Variants in ZNF727 observed in about 807,000 individuals in gnomAD.
ZNF727 encodes putative zinc finger protein 727.
ZNF727 carries 11 observed loss-of-function variants against 11.5 expected under a neutral mutation model. The ratio of observed to expected loss-of-function variants is 0.95; its 90% CI spans 0.60 to 1.58. The LOEUF (loss-of-function observed/expected upper bound fraction) is 1.58. Ranked by LOEUF, ZNF727 falls within the 40% of genes most tolerant of loss-of-function variation. The pLI, the probability that ZNF727 is intolerant of heterozygous loss-of-function variation, is 0.00. For synonymous variants in ZNF727, 171 were observed against 196.1 expected, an observed-to-expected ratio of 0.87 and a Z score of 1.07; for missense variants, 533 against 581.7, an observed-to-expected ratio of 0.92 and a Z score of 0.86.
At chr7:64,052,952 C>A (rs1465600291) in intron 1 of ZNF727, among the ~76,000 whole-genome samples, 2 of 152,190 alleles carry the variant, frequency 1.3e-5, no homozygotes, top group African/African-American at 4.8e-5. Context: ...GCCTTTACCC[C>A]CATTGTAACT....
chr7:64,052,723 G>T (rs1006357981), intron 1 of ZNF727, among the ~76,000 whole-genome samples: 2 of 152,194 alleles, frequency 1.3e-5, no homozygotes, highest in Admixed American at 1.3e-4. Context: ...CAGCCAGGAG[G>T]GGGGCTATAC....
At chr7:64,055,025 A>T (rs1789661244) in intron 1 of ZNF727, among the ~76,000 whole-genome samples, 1 of 152,046 alleles carries the variant, frequency 6.6e-6, no homozygotes, top group African/African-American at 2.4e-5. Context: ...TTTCCCCCTC[A>T]TTATATTTGC....
intron 1 of ZNF727, among the ~76,000 whole-genome samples, chr7:64,051,260 C>T (rs1789593780): frequency 6.6e-6 from 1 of 152,070 alleles, no homozygotes; most frequent in African/African-American, 2.4e-5. Context: ...CCAAGAAATC[C>T]TGTATGACTT....
chr7:64,057,081 A>T (rs1451922447), intron 1 of ZNF727, among the ~76,000 whole-genome samples: 1 of 152,088 alleles, frequency 6.6e-6, no homozygotes, highest in East Asian at 1.9e-4. Context: ...ATAAGCATTT[A>T]AAAAATACTA....
rs1240454028 is a variant in ZNF727, at chr7:64,080,282, A to C, written c.*1733A>C. Among the ~76,000 whole-genome samples the C allele has an allele frequency of 6.6e-6, 1 of 151,214 alleles. No homozygotes were observed. The highest frequency in any genetic ancestry group is 2.4e-5 in the African/African-American group (1 of 41,092). On this transcript the variant is annotated 3_prime_UTR_variant, in exon 4 of 4. Transcript: ENST00000456806. The stretch of plus-strand genomic sequence containing the variant: ...TTCATTCTCTCCATCACTTTCAAGC[A>C]CTCTCTTTAATTATAGATTTGGTTT...
In ZNF727 at chr7:64,057,406, A is replaced by T. The variant is rs151089607; in HGVS notation, c.4-11485A>T. Among the ~76,000 whole-genome samples, 1,023 of 152,314 alleles carry T rather than the reference A, an allele frequency of 6.7e-3. 13 individuals are homozygous for T. The highest frequency in any genetic ancestry group is 0.02 in the Middle Eastern group (6 of 294). ...AAGGAAAAGGATCATGTTCTTGACA[A>T]GGACATGGATGGAGCTGGAAGCTGC... is the stretch of plus-strand genomic sequence containing the variant. On this transcript the variant is annotated intron_variant, in intron 1 of 3. Transcript: ENST00000456806.
At chr7:64,072,305 T>C (rs1436544445) in intron 3 of ZNF727, among the ~76,000 whole-genome samples, 1 of 152,026 alleles carries the variant, frequency 6.6e-6, no homozygotes, top group African/African-American at 2.4e-5. Flanking sequence ...TTGCCTTTAG[T>C]GAGTTTGTTA....
At chr7:64,046,069 G>A (rs1158272239) in intron 1 of ZNF727, among the ~76,000 whole-genome samples, 1 of 152,104 alleles carries the variant, frequency 6.6e-6, no homozygotes, top group Non-Finnish European at 1.5e-5. Flanking sequence ...AGGCTAAAGT[G>A]CAGTGGCAAG....
At chr7:64,047,797 C>G (rs374224428) in intron 1 of ZNF727, among the ~76,000 whole-genome samples, 3 of 152,238 alleles carry the variant, frequency 2.0e-5, no homozygotes, top group Non-Finnish European at 2.9e-5. Flanking sequence ...CACATTGGTG[C>G]TCAACCAATC....
At chr7:64,062,992 G>A (rs1789798338) in intron 1 of ZNF727, among the ~76,000 whole-genome samples, 1 of 151,356 alleles carries the variant, frequency 6.6e-6, no homozygotes, top group Non-Finnish European at 1.5e-5. Context: ...AAGTTTATTG[G>A]ATCAGATTCC....
At chr7:64,054,993 T>G (rs1789660315) in intron 1 of ZNF727, among the ~76,000 whole-genome samples, 1 of 152,208 alleles carries the variant, frequency 6.6e-6, no homozygotes, top group South Asian at 2.1e-4. Context: ...ATGTATTTAT[T>G]GTAGCTTTGG....
chr7:64,069,753 CAT>C, intron 3 of ZNF727, 144 bp downstream of exon 3: 1 of 689,980 alleles, frequency 1.4e-6, no homozygotes, highest in Non-Finnish European at 2.4e-6. Context: ...CTTGCTTTAA[CAT>C]AGGGGAATTT....
At chr7:64,066,738 G>A (rs769937937) in intron 1 of ZNF727, among the ~76,000 whole-genome samples, 15 of 152,046 alleles carry the variant, frequency 9.9e-5, no homozygotes, top group Non-Finnish European at 2.2e-4. Flanking sequence ...GGACATAGTC[G>A]TGGGCAAAGA....
chr7:64,081,423 C>G lies in ZNF727; in HGVS notation c.*2874C>G, dbSNP rs749291155. 6.6e-6 allele frequency among the ~76,000 whole-genome samples: 1 copy of G among 152,074 alleles called. No homozygotes were observed. Among genetic ancestry groups the G allele is most frequent in the African/African-American group, 2.4e-5 (1 of 41,404 alleles). On this transcript the variant is annotated 3_prime_UTR_variant, in exon 4 of 4. Transcript: ENST00000456806. ...GGAGTGGCAGGGGCATACTACATTT[C>G]CATTTTCTGGTGGGGCAAGCAAAGC... is the stretch of plus-strand genomic sequence containing the variant.
intron 1 of ZNF727, among the ~76,000 whole-genome samples, chr7:64,048,888 CT>C (rs1378429958): frequency 6.6e-6 from 1 of 152,106 alleles, no homozygotes; most frequent in Non-Finnish European, 1.5e-5. Flanking sequence ...CAAACAGAAT[CT>C]TCATCTAAAA....
intron 1 of ZNF727, among the ~76,000 whole-genome samples, chr7:64,064,262 A>G (rs1789828220): frequency 6.6e-6 from 1 of 152,164 alleles, no homozygotes; most frequent in Admixed American, 6.5e-5. Context: ...AAGGGCTGCA[A>G]GAAGTACTAC....
chr7:64,081,829 A>C lies in ZNF727; in HGVS notation c.*3280A>C, dbSNP rs1351247559. ...TATGGAAATGGCCGTCAATGGCCAC[A>C]CTCTACTACAGGTGCTCTTGCACTA... On this transcript the variant is annotated 3_prime_UTR_variant, in exon 4 of 4. Coordinates refer to ENST00000456806, the MANE Select transcript of ZNF727 (RefSeq NM_001159522.3). Among the ~76,000 whole-genome samples the C allele has an allele frequency of 6.6e-6, 1 of 152,036 alleles. No homozygotes were observed. The highest frequency in any genetic ancestry group is 2.4e-5 in the African/African-American group (1 of 41,390).
intron 3 of ZNF727, among the ~76,000 whole-genome samples, chr7:64,074,119 T>C (rs989072811): frequency 3.3e-5 from 5 of 152,138 alleles, no homozygotes; most frequent in African/African-American, 1.2e-4. Flanking sequence ...TCATAGAAAA[T>C]ATTACTGGAG....
At chr7:64,047,837 A>G (rs1789532781) in intron 1 of ZNF727, among the ~76,000 whole-genome samples, 1 of 152,252 alleles carries the variant, frequency 6.6e-6, no homozygotes, top group Non-Finnish European at 1.5e-5. Flanking sequence ...AAAAGGCACA[A>G]ATGCATCTTG....
Sources: allele counts gnomAD v4.1 joint callset (sites outside exome capture counted in the v4.1 genomes callset), GRCh38; gene constraint gnomAD v4.1.1; transcripts MANE v1.5; gene names NCBI Gene and HGNC (gene_info 2026-07-23, HGNC 2026-07-21).